PTPRO: variants seen among roughly 807,000 people sequenced by gnomAD.
The protein encoded by PTPRO is protein tyrosine phosphatase receptor type O, also known as receptor-type tyrosine-protein phosphatase O.
In PTPRO, 62 loss-of-function variants were observed where a neutral mutation model predicts 145.2. The ratio of observed to expected loss-of-function variants is 0.43; its 90% confidence interval spans 0.35 to 0.53. PTPRO has a LOEUF of 0.53. Ranked by LOEUF, PTPRO falls within the 20% of genes least tolerant of loss-of-function variation. The pLI is 0.01. For missense variants in PTPRO, 1,345 were observed against 1,482.7 expected (o/e 0.91, Z 1.53); for synonymous variants, 565 against 514.7 (o/e 1.10, Z -1.32).
intron 1 of PTPRO, among the ~76,000 whole-genome samples, chr12:15,448,490 G>A (rs1478919862): frequency 6.6e-6 from 1 of 152,072 alleles, no homozygotes; most frequent in Admixed American, 6.6e-5. Context: ...CCTCATACCT[G>A]TGAGGATGGC....
rs61908053 is a variant in PTPRO at position 15,489,920 on chromosome 12, G to C, written c.349+5673G>C. On this transcript the variant is annotated intron_variant, in intron 2 of 26. Coordinates refer to ENST00000281171, the MANE Select transcript of PTPRO (RefSeq NM_030667.3). ...AAGTGTTACAGAGTCAAATGGAATC[G>C]TATATGCAAATAATGGAGGCATACA... Among the ~76,000 whole-genome samples, 800 of 152,270 alleles carry C rather than the reference G, an allele frequency of 5.3e-3. 3 individuals carry two copies. Among genetic ancestry groups the C allele is most frequent in the African/African-American group, 0.014 (563 of 41,552 alleles).
At chr12:15,394,412 G>C (rs551528287) in intron 1 of PTPRO, among the ~76,000 whole-genome samples, 3 of 152,152 alleles carry the variant, frequency 2.0e-5, no homozygotes, top group Middle Eastern at 3.4e-3. Context: ...CCAAGCAGCG[G>C]CATACCAAGT....
At chr12:15,367,298 A>C (rs921970731) in intron 1 of PTPRO, among the ~76,000 whole-genome samples, 1 of 152,232 alleles carries the variant, frequency 6.6e-6, no homozygotes, top group Non-Finnish European at 1.5e-5. Context: ...GTCTAGGATG[A>C]CTGAGGGAAC....
At chr12:15,426,832 T>A (rs1940298636) in intron 1 of PTPRO, among the ~76,000 whole-genome samples, 1 of 152,216 alleles carries the variant, frequency 6.6e-6, no homozygotes, top group South Asian at 2.1e-4. Context: ...AAATAAAAAC[T>A]ATTTCCCAGC....
At chr12:15,464,526 G>GTTT (rs61245440) in intron 1 of PTPRO, among the ~76,000 whole-genome samples, 1 of 148,100 alleles carries the variant, frequency 6.8e-6, no homozygotes, top group African/African-American at 2.5e-5. Context: ...AGCTAATTTT[G>GTTT]TTTTTTTTTT....
At chr12:15,394,025 C>T (rs1306418222) in intron 1 of PTPRO, among the ~76,000 whole-genome samples, 1 of 150,468 alleles carries the variant, frequency 6.6e-6, no homozygotes, top group Non-Finnish European at 1.5e-5. Flanking sequence ...CCTGTGATAA[C>T]CCAATGATCT....
chr12:15,527,943 C>T (rs35086668), intron 12 of PTPRO, among the ~76,000 whole-genome samples: 65,945 of 150,502 alleles, frequency 0.44, 15,045 homozygotes, highest in African/African-American at 0.54. Context: ...AGATGGTGAT[C>T]TGTGAGCTCT....
intron 1 of PTPRO, among the ~76,000 whole-genome samples, chr12:15,430,958 A>G (rs1450347039): frequency 6.6e-6 from 1 of 152,232 alleles, no homozygotes; most frequent in East Asian, 1.9e-4. Context: ...CAGAATTTTT[A>G]TAGAATATAT....
intron 1 of PTPRO, among the ~76,000 whole-genome samples, chr12:15,413,718 G>C (rs1939866718): frequency 6.6e-6 from 1 of 152,104 alleles, no homozygotes; most frequent in African/African-American, 2.4e-5. Flanking sequence ...GGGAGACTGA[G>C]GCAGGAGAAT....
At chr12:15,391,408 C>T (rs1439747096) in intron 1 of PTPRO, among the ~76,000 whole-genome samples, 2 of 152,170 alleles carry the variant, frequency 1.3e-5, no homozygotes, top group African/African-American at 4.8e-5. Flanking sequence ...AACACTTTGG[C>T]TGGCCTAGGG....
intron 10 of PTPRO, among the ~76,000 whole-genome samples, chr12:15,523,935 C>A (rs1455796470): frequency 6.6e-6 from 1 of 151,776 alleles, no homozygotes; most frequent in Admixed American, 6.6e-5. Context: ...GTAGGTGGGA[C>A]AACAGGGTGT....
At chr12:15,440,082 G>T in intron 1 of PTPRO, 6 of 632,544 alleles carry the variant, frequency 9.5e-6, no homozygotes, top group Non-Finnish European at 1.7e-5. Flanking sequence ...GTGACAGACC[G>T]CTGCAGCTCT....
intron 1 of PTPRO, among the ~76,000 whole-genome samples, chr12:15,455,566 T>G (rs935930228): frequency 5.3e-5 from 8 of 152,178 alleles, no homozygotes; most frequent in African/African-American, 1.7e-4. Context: ...CATTTACCAC[T>G]ATAATTATGT....
intron 1 of PTPRO, among the ~76,000 whole-genome samples, chr12:15,375,381 G>A (rs540862583): frequency 6.6e-6 from 1 of 152,128 alleles, no homozygotes; most frequent in African/African-American, 2.4e-5. Flanking sequence ...TTATAAATGT[G>A]TTTAAAGAAC....
chr12:15,378,186 G>GA (rs1159344919), intron 1 of PTPRO, among the ~76,000 whole-genome samples: 1 of 151,562 alleles, frequency 6.6e-6, no homozygotes, highest in Non-Finnish European at 1.5e-5. Flanking sequence ...AAAAAACAGA[G>GA]AAAAATCAAA....
chr12:15,474,330 C>G (rs1400746032), intron 1 of PTPRO, among the ~76,000 whole-genome samples: 1 of 152,314 alleles, frequency 6.6e-6, no homozygotes, highest in South Asian at 2.1e-4. Flanking sequence ...CCCACTCTGT[C>G]TCCAGTAGCT....
chr12:15,543,400 C>T (rs976085363), intron 12 of PTPRO, among the ~76,000 whole-genome samples: 2 of 152,194 alleles, frequency 1.3e-5, no homozygotes, highest in South Asian at 4.1e-4. Flanking sequence ...TGTCGTATTC[C>T]TTGGACCACT....
At chr12:15,450,069 C>G (rs890615989) in intron 1 of PTPRO, among the ~76,000 whole-genome samples, 1 of 152,168 alleles carries the variant, frequency 6.6e-6, no homozygotes, top group Non-Finnish European at 1.5e-5. Flanking sequence ...TTGTCATGCT[C>G]TCTATGTTAT....
Position 15,349,845 on chromosome 12 carries a change from A to G in PTPRO, c.75+27044A>G, listed in dbSNP as rs757009348. Reference sequence around the variant, plus strand: ...AAGCTTATTATTGATTACACGTAGGACAAGGGAAAGAGAGGAATTGTAGCT... The same window carrying G: ...AAGCTTATTATTGATTACACGTAGGGCAAGGGAAAGAGAGGAATTGTAGCT... On this transcript the variant is annotated intron_variant, in intron 1 of 26. Transcript: ENST00000281171. 5.1e-4 allele frequency among the ~76,000 whole-genome samples: 78 copies of G among 152,344 alleles called. 1 individual carries two copies. Among genetic ancestry groups the G allele is most frequent in the Admixed American group, 1.4e-3 (21 of 15,308 alleles).
Sources: allele counts gnomAD v4.1 joint callset (sites outside exome capture counted in the v4.1 genomes callset), GRCh38; gene constraint gnomAD v4.1.1; transcripts MANE v1.5; gene names NCBI Gene and HGNC (gene_info 2026-07-23, HGNC 2026-07-21).